Variants in SPAG16 observed in about 807,000 individuals in gnomAD.
SPAG16 encodes sperm-associated antigen 16 protein.
Under a neutral mutation model 80.4 loss-of-function variants are expected in SPAG16, and 86 were observed. That is an observed-to-expected ratio of 1.07 (90% CI 0.90 to 1.28). SPAG16 has a LOEUF of 1.28. SPAG16 is among the 50% of genes most tolerant of loss of function. The pLI is 0.00. For missense variants in SPAG16, 870 were observed against 765.3 expected (o/e 1.14, Z -1.61); for synonymous variants, 294 against 265.9 (o/e 1.11, Z -1.03).
intron 10 of SPAG16, among the ~76,000 whole-genome samples, chr2:213,506,446 CAA>C (rs1412607803): frequency 3.3e-5 from 5 of 152,232 alleles, no homozygotes; most frequent in African/African-American, 4.8e-5. Context: ...CCAAGTGTGT[CAA>C]GTTATATTTT....
chr2:213,963,313 C>G (rs953658156), intron 12 of SPAG16, among the ~76,000 whole-genome samples: 2 of 151,926 alleles, frequency 1.3e-5, no homozygotes, highest in African/African-American at 2.4e-5. Context: ...GAGTATATTG[C>G]TAAATTTTCT....
chr2:214,036,467 A>G (rs1419232447), intron 13 of SPAG16, among the ~76,000 whole-genome samples: 1 of 152,206 alleles, frequency 6.6e-6, no homozygotes, highest in East Asian at 1.9e-4. Context: ...CATTGTTAAT[A>G]TTAATAAACA....
intron 10 of SPAG16, among the ~76,000 whole-genome samples, chr2:213,604,478 A>C (rs1421382995): frequency 6.6e-6 from 1 of 152,192 alleles, no homozygotes; most frequent in Non-Finnish European, 1.5e-5. Flanking sequence ...ACAAATGAAC[A>C]ATTGAATTAT....
rs190174142 is a variant in SPAG16 at position 213,691,263 on chromosome 2, G to A, written c.1071-171222G>A. Among the ~76,000 whole-genome samples the A allele has an allele frequency of 7.2e-5, 11 of 152,274 alleles. No homozygotes were observed. In the East Asian group the frequency reaches 2.1e-3, roughly 29 times the overall value. On this transcript the variant is annotated intron_variant, in intron 10 of 15. Coordinates refer to ENST00000331683, the MANE Select transcript of SPAG16 (RefSeq NM_024532.5). ...CTTGAATCTGGGCTAGCCCTGACTT[G>A]GAGCCAATAGAATGCAGCAGGTGTG...
At chr2:214,294,389 A>T (rs7571692) in intron 15 of SPAG16, among the ~76,000 whole-genome samples, 59,949 of 152,036 alleles carry the variant, frequency 0.39, 14,386 homozygotes, top group South Asian at 0.57. Context: ...GTTGCTTCCA[A>T]TAATTTCTCT....
chr2:214,335,030 C>T (rs962982227), intron 15 of SPAG16, among the ~76,000 whole-genome samples: 2 of 152,220 alleles, frequency 1.3e-5, no homozygotes, highest in East Asian at 1.9e-4. Flanking sequence ...AAAGAACTGT[C>T]GGGAGTGAGA....
At chr2:213,969,866 G>C (rs1361843420) in intron 12 of SPAG16, among the ~76,000 whole-genome samples, 1 of 151,804 alleles carries the variant, frequency 6.6e-6, no homozygotes, top group Non-Finnish European at 1.5e-5. Context: ...TTATTTAACA[G>C]TTAAAAAAAA....
chr2:213,365,000 C>T (rs920355353), intron 8 of SPAG16: 1 of 152,134 alleles, frequency 6.6e-6, no homozygotes, highest in Non-Finnish European at 1.5e-5. Context: ...TGAGTCTTGC[C>T]AAGTTATAGG....
chr2:213,572,058 G>T (rs1332040126), intron 10 of SPAG16, among the ~76,000 whole-genome samples: 1 of 115,524 alleles, frequency 8.7e-6, no homozygotes, highest in Non-Finnish European at 1.7e-5. Context: ...CATTCTTCAC[G>T]TAGTTCTCGA....
At chr2:213,420,910 A>G (rs2069543890) in intron 9 of SPAG16, among the ~76,000 whole-genome samples, 1 of 152,228 alleles carries the variant, frequency 6.6e-6, no homozygotes, top group Non-Finnish European at 1.5e-5. Flanking sequence ...AAAAACAGAA[A>G]TTATACTGAT....
At chr2:214,066,950 C>T (rs2050559380) in intron 13 of SPAG16, among the ~76,000 whole-genome samples, 1 of 152,116 alleles carries the variant, frequency 6.6e-6, no homozygotes, top group Non-Finnish European at 1.5e-5. Flanking sequence ...CCAGAACTGT[C>T]ATCCTTTGTT....
At chr2:213,819,475 T>G (rs1196427009) in intron 10 of SPAG16, among the ~76,000 whole-genome samples, 3 of 152,222 alleles carry the variant, frequency 2.0e-5, no homozygotes, top group East Asian at 1.9e-4. Context: ...CACTCTTATA[T>G]TCTCAGTTAA....
intron 10 of SPAG16, among the ~76,000 whole-genome samples, chr2:213,860,996 A>G (rs908421885): frequency 5.3e-5 from 8 of 152,178 alleles, no homozygotes; most frequent in African/African-American, 1.9e-4. Flanking sequence ...CTATAAATGT[A>G]TCTTCTATCC....
At chr2:214,313,477 TTAG>T (rs1306260423) in intron 15 of SPAG16, among the ~76,000 whole-genome samples, 2 of 152,288 alleles carry the variant, frequency 1.3e-5, no homozygotes. Context: ...CATTTCATTT[TTAG>T]TAAAATTAGG....
intron 15 of SPAG16, among the ~76,000 whole-genome samples, chr2:214,242,234 C>A (rs1689546957): frequency 6.6e-6 from 1 of 152,176 alleles, no homozygotes; most frequent in African/African-American, 2.4e-5. Flanking sequence ...ACGAAACTCA[C>A]AAGACAACAT....
At chr2:213,465,868 A>G (rs2072658192) in intron 9 of SPAG16, among the ~76,000 whole-genome samples, 1 of 152,100 alleles carries the variant, frequency 6.6e-6, no homozygotes, top group Non-Finnish European at 1.5e-5. Flanking sequence ...TGTCAACTTG[A>G]TTGGGTTGAA....
At chr2:213,319,233 A>G (rs1187614517) in intron 5 of SPAG16, among the ~76,000 whole-genome samples, 1 of 151,998 alleles carries the variant, frequency 6.6e-6, no homozygotes, top group African/African-American at 2.4e-5. Flanking sequence ...GAACTACCAT[A>G]TAGGAACATA....
chr2:213,372,575 C>T (rs2066695392), intron 8 of SPAG16, among the ~76,000 whole-genome samples: 1 of 152,004 alleles, frequency 6.6e-6, no homozygotes, highest in Non-Finnish European at 1.5e-5. Flanking sequence ...ACTATATGGT[C>T]TAATTAATAC....
intron 10 of SPAG16, among the ~76,000 whole-genome samples, chr2:213,748,858 G>A (rs1214816158): frequency 6.6e-6 from 1 of 152,096 alleles, no homozygotes; most frequent in Non-Finnish European, 1.5e-5. Context: ...CTGTTAAAAA[G>A]CCTCTCAGGG....
Sources: gnomAD v4.1 joint callset for allele counts (sites outside exome capture counted in the v4.1 genomes callset) on GRCh38, gnomAD v4.1.1 for gene constraint, MANE v1.5 for transcripts, NCBI Gene and HGNC (gene_info 2026-07-23, HGNC 2026-07-21) for gene names.